SLC5A10: variants seen among roughly 807,000 people sequenced by gnomAD.
SLC5A10 encodes sodium/mannose cotransporter SLC5A10.
SLC5A10 carries 55 observed loss-of-function variants against 68.9 expected under a neutral mutation model. The observed-to-expected ratio is 0.80, with a 90% CI of 0.64 to 1.00. The LOEUF (loss-of-function observed/expected upper bound fraction) is 1.00. Among genes scored for constraint, SLC5A10 ranks in the 50% least tolerant of loss-of-function variants. The pLI is 0.00. For missense variants in SLC5A10, 732 were observed against 819.3 expected (o/e 0.89, Z 1.30); for synonymous variants, 344 against 344.8 (o/e 1.00, Z 0.02).
intron 10 of SLC5A10, 66 bp from the exon 11 acceptor site, chr17:19,014,983 G>A: frequency 6.4e-7 from 1 of 1,567,406 alleles, no homozygotes; most frequent in Non-Finnish European, 8.7e-7. Flanking sequence ...TTAGAGCCCA[G>A]GCGGGAGGGG....
chr17:19,006,390 T>C (rs2043891013), intron 9 of SLC5A10, among the ~76,000 whole-genome samples: 1 of 149,762 alleles, frequency 6.7e-6, no homozygotes, highest in African/African-American at 2.4e-5. Context: ...ATTTTTTTTC[T>C]TTTTTCTTTT....
intron 9 of SLC5A10, chr17:18,986,307 T>C (rs1227079447): frequency 6.6e-6 from 1 of 152,228 alleles, no homozygotes; most frequent in Admixed American, 6.5e-5. Flanking sequence ...GAGAAATTAA[T>C]ATAAGGGATC....
intron 5 of SLC5A10, among the ~76,000 whole-genome samples, chr17:18,962,600 T>C (rs1567779372): frequency 6.6e-6 from 1 of 151,866 alleles, no homozygotes; most frequent in South Asian, 2.1e-4. Context: ...GGAGGTCTGA[T>C]TGTAAGAGGT....
chr17:19,008,365 C>T (rs542982060), intron 9 of SLC5A10, among the ~76,000 whole-genome samples: 4 of 152,122 alleles, frequency 2.6e-5, no homozygotes, highest in Admixed American at 1.3e-4. Flanking sequence ...TTTTTTTTAA[C>T]ATTTTACATT....
intron 1 of SLC5A10, among the ~76,000 whole-genome samples, chr17:18,957,806 A>T (rs1463337156): frequency 6.6e-6 from 1 of 152,284 alleles, no homozygotes; most frequent in East Asian, 1.9e-4. Flanking sequence ...CATTTAGTAC[A>T]TTTGCAATGC....
upstream of SLC5A10, chr17:18,950,853 T>C: frequency 4.8e-6 from 1 of 206,450 alleles, no homozygotes; most frequent in Non-Finnish European, 8.5e-6. Flanking sequence ...GTAGCTGGGA[T>C]TACAGGTGCG....
intron 9 of SLC5A10, among the ~76,000 whole-genome samples, chr17:18,982,773 C>A (rs1187224932): frequency 1.3e-5 from 2 of 152,222 alleles, no homozygotes; most frequent in African/African-American, 4.8e-5. Context: ...GGGCTGAGCC[C>A]AGGAGCCCCT....
chr17:18,987,751 T>A (rs574055569), intron 9 of SLC5A10, among the ~76,000 whole-genome samples: 1 of 152,320 alleles, frequency 6.6e-6, no homozygotes, highest in Non-Finnish European at 1.5e-5. Context: ...AAGCCTTCCC[T>A]GGCCCCAGCC....
chr17:18,981,983 G>T (rs1170348323), intron 9 of SLC5A10, among the ~76,000 whole-genome samples: 1 of 152,214 alleles, frequency 6.6e-6, no homozygotes, highest in East Asian at 1.9e-4. Flanking sequence ...TCCTGGCCCG[G>T]CCACAGACCC....
chr17:18,985,229 C>T (rs769369234), intron 9 of SLC5A10, among the ~76,000 whole-genome samples: 12 of 152,214 alleles, frequency 7.9e-5, no homozygotes, highest in Admixed American at 2.0e-4. Context: ...AAACGGCCTC[C>T]TTCACTCTTC....
At chr17:18,974,543 C>T (rs1320183601) in intron 8 of SLC5A10, among the ~76,000 whole-genome samples, 1 of 152,216 alleles carries the variant, frequency 6.6e-6, no homozygotes, top group Non-Finnish European at 1.5e-5. Context: ...GCTGATGCCG[C>T]AGCTCCAGGC....
intron 5 of SLC5A10, among the ~76,000 whole-genome samples, chr17:18,965,464 A>G (rs1567780891): frequency 6.6e-6 from 1 of 152,198 alleles, no homozygotes; most frequent in Non-Finnish European, 1.5e-5. Flanking sequence ...GGTGGCTGAG[A>G]GCGGGCAGGG....
At chr17:18,976,686 G>A in intron 8 of SLC5A10, 168 bp from the exon 9 acceptor site, 1 of 854,292 alleles carries the variant, frequency 1.2e-6, no homozygotes, top group South Asian at 1.8e-5. Flanking sequence ...AGCTCTCCTG[G>A]TGGGACCCTG....
chr17:18,979,458 A>G, intron 9 of SLC5A10: 1 of 1,489,184 alleles, frequency 6.7e-7, no homozygotes, highest in East Asian at 2.3e-5. Context: ...GGACCAATGA[A>G]CCGGAATAAC....
intron 5 of SLC5A10, among the ~76,000 whole-genome samples, chr17:18,966,902 G>T (rs1432876008): frequency 6.6e-6 from 1 of 152,186 alleles, no homozygotes; most frequent in African/African-American, 2.4e-5. Flanking sequence ...AGGGTGGAGG[G>T]GCTGGGTGGC....
Position 18,957,227 on chromosome 17 carries a change from G to A in SLC5A10, c.112-1455G>A, listed in dbSNP as rs527917640. Reference sequence around the variant, plus strand: ...CAGAGGAAGAAACCAAGGCATACGCGTTCAGTAACTTGCCCCAGGTAACAC... The same window carrying A: ...CAGAGGAAGAAACCAAGGCATACGCATTCAGTAACTTGCCCCAGGTAACAC... On this transcript the variant is annotated intron_variant, in intron 1 of 14. Coordinates refer to ENST00000395645, the MANE Select transcript of SLC5A10 (RefSeq NM_001042450.4). Among the ~76,000 whole-genome samples the A allele has an allele frequency of 3.9e-5, 6 of 152,230 alleles. No individual in the cohort carries two copies. The East Asian group carries it at 5.8e-4, about 15-fold the overall frequency.
chr17:18,969,012 TGG>T, intron 5 of SLC5A10, 38 bp from the exon 6 acceptor site: 1 of 1,577,224 alleles, frequency 6.3e-7, no homozygotes, highest in Non-Finnish European at 8.6e-7. Flanking sequence ...GCTGGAGCCC[TGG>T]GAATAACAGT....
chr17:19,010,608 A>G (rs952566991), intron 9 of SLC5A10, among the ~76,000 whole-genome samples: 1 of 152,170 alleles, frequency 6.6e-6, no homozygotes, highest in African/African-American at 2.4e-5. Context: ...AGAGCCTGGA[A>G]TGGGCTGAAG....
chr17:18,974,612 C>T (rs1479910489), intron 8 of SLC5A10, among the ~76,000 whole-genome samples: 1 of 152,216 alleles, frequency 6.6e-6, no homozygotes, highest in Non-Finnish European at 1.5e-5. Flanking sequence ...CCACAGCTTT[C>T]GTGGGCAGCG....
Sources: gnomAD v4.1 joint callset for allele counts (sites outside exome capture counted in the v4.1 genomes callset) on GRCh38, gnomAD v4.1.1 for gene constraint, MANE v1.5 for transcripts, NCBI Gene and HGNC (gene_info 2026-07-23, HGNC 2026-07-21) for gene names.